Variants in KIAA0319 observed in about 807,000 individuals in gnomAD.
KIAA0319 encodes dyslexia-associated protein KIAA0319.
Under a neutral mutation model 108.4 loss-of-function variants are expected in KIAA0319, and 83 were observed. The ratio of observed to expected loss-of-function variants is 0.77; its 90% CI spans 0.64 to 0.92. The LOEUF (loss-of-function observed/expected upper bound fraction) is 0.92, where lower values mean the gene tolerates loss of function less well. Among genes scored for constraint, KIAA0319 ranks in the 40% least tolerant of loss-of-function variants. KIAA0319 has a pLI of 0.00. For missense variants in KIAA0319, 1,195 were observed against 1,322.4 expected, an observed-to-expected ratio of 0.90 and a Z score of 1.49; for synonymous variants, 484 against 510.4, an observed-to-expected ratio of 0.95 and a Z score of 0.70.
intron 16 of KIAA0319, among the ~76,000 whole-genome samples, chr6:24,562,389 G>C (rs1763228507): frequency 2.0e-5 from 3 of 152,096 alleles, no homozygotes; most frequent in Non-Finnish European, 4.4e-5. Flanking sequence ...GTTTAAATTT[G>C]GTGTTTTTCT....
chr6:24,596,465 G>A lies in KIAA0319; in HGVS notation c.209C>T (p.Ala70Val). The change falls in exon 3 of 21, where the codon GCC becomes GTC. Residue 70 changes from alanine (A) to valine (V), a missense_variant. Coordinates refer to ENST00000378214, the MANE Select transcript of KIAA0319 (RefSeq NM_014809.4). ...GTAGCAGCGGCCCTCGAACCACCAG[G>A]CCAGGTCACAGCTGGACAGGTCACA... ...ACCDLSSCDL[A>V]WWFEGRCYLV... 1 of 1,614,192 alleles carries A rather than the reference G, an allele frequency of 6.2e-7. No individual in the cohort carries two copies. The highest frequency in any genetic ancestry group is 8.5e-7 in the Non-Finnish European group (1 of 1,180,040).
chr6:24,626,466 A>G (rs1774729857), intron 1 of KIAA0319, among the ~76,000 whole-genome samples: 1 of 152,174 alleles, frequency 6.6e-6, no homozygotes, highest in Non-Finnish European at 1.5e-5. Flanking sequence ...TGGCAGGTGA[A>G]GGTTGCAGTG....
Position 24,544,911 on chromosome 6 carries a change from T to G in KIAA0319, c.*2254A>C, listed in dbSNP as rs1361152551. 1 of 152,154 alleles carries G rather than the reference T, an allele frequency of 6.6e-6. No homozygotes were observed. The highest frequency in any genetic ancestry group is 2.4e-5 in the African/African-American group (1 of 41,406). 9.4% of individuals were successfully genotyped at this position (152,154 alleles called of 1,614,324 possible). On this transcript the variant is annotated 3_prime_UTR_variant, in exon 21 of 21. Transcript: ENST00000378214. ...CCAGAGATTCAAGATCCTTCTGTGATGGAAGGATCAGAGAGGCCAGGCTGA... is the reference window on the plus strand; with the variant it reads ...CCAGAGATTCAAGATCCTTCTGTGAGGGAAGGATCAGAGAGGCCAGGCTGA...
chr6:24,578,792 G>C (rs1765919813), intron 8 of KIAA0319, among the ~76,000 whole-genome samples: 1 of 152,184 alleles, frequency 6.6e-6, no homozygotes, highest in Admixed American at 6.5e-5. Context: ...CTGGAAAGGG[G>C]CTAGTTTCAT....
downstream of KIAA0319, among the ~76,000 whole-genome samples, chr6:24,541,602 G>A (rs908510131): frequency 7.9e-5 from 12 of 152,116 alleles, no homozygotes; most frequent in African/African-American, 2.2e-4. Context: ...GTTTGAGACC[G>A]GCCTGGCCAA....
intron 1 of KIAA0319, among the ~76,000 whole-genome samples, chr6:24,620,639 T>A: frequency 6.6e-6 from 1 of 152,138 alleles, no homozygotes; most frequent in Non-Finnish European, 1.5e-5. Context: ...TCTTCAATCT[T>A]TCCCTAAAGA....
At chr6:24,637,382 GT>G (rs1776336334) in intron 1 of KIAA0319, among the ~76,000 whole-genome samples, 1 of 152,196 alleles carries the variant, frequency 6.6e-6, no homozygotes, top group South Asian at 2.1e-4. Flanking sequence ...CTTTTCAAGA[GT>G]TTCAATGGTA....
At chr6:24,628,254 G>A (rs964114057) in intron 1 of KIAA0319, among the ~76,000 whole-genome samples, 1 of 152,172 alleles carries the variant, frequency 6.6e-6, no homozygotes, top group African/African-American at 2.4e-5. Context: ...GTCAGGTATT[G>A]TAATTTTCCC....
chr6:24,607,382 A>C (rs1343650076), intron 1 of KIAA0319, among the ~76,000 whole-genome samples: 5 of 152,030 alleles, frequency 3.3e-5, no homozygotes, highest in Non-Finnish European at 7.4e-5. Context: ...AAAGAAAAGA[A>C]AGAAAGCCAG....
chr6:24,634,523 T>C (rs1470650972), intron 1 of KIAA0319, among the ~76,000 whole-genome samples: 1 of 152,142 alleles, frequency 6.6e-6, no homozygotes, highest in Non-Finnish European at 1.5e-5. Context: ...TGGGAAATAG[T>C]CAAGAAGCAA....
rs1256109648 is a variant in KIAA0319 at position 24,646,005 on chromosome 6, G to A, written c.-375C>T. ...AGGAGCGAATCTGGACCAAGCCCAA[G>A]ACAGGCTGAAGCTACTGCTGCGCTC... On this transcript the variant is annotated 5_prime_UTR_variant, in exon 1 of 21. Coordinates refer to ENST00000378214, the MANE Select transcript of KIAA0319 (RefSeq NM_014809.4). 1 of 152,428 alleles carries A rather than the reference G, an allele frequency of 6.6e-6. No individual in the cohort carries two copies. The highest frequency in any genetic ancestry group is 1.5e-5 in the Non-Finnish European group (1 of 68,296). 9.4% of individuals were successfully genotyped at this position (152,428 alleles called of 1,614,324 possible).
rs1234757379 is a variant in KIAA0319, at chr6:24,545,183, A to G, written c.*1982T>C. On this transcript the variant is annotated 3_prime_UTR_variant, in exon 21 of 21. Coordinates refer to ENST00000378214, the MANE Select transcript of KIAA0319 (RefSeq NM_014809.4). ...AGTTCTTTGTTTAGTGGAAAGCAGA[A>G]CTCTACAGTTTAAAAAATTTGCATT... is the stretch of plus-strand genomic sequence containing the variant. The G allele has an allele frequency of 6.6e-6, 1 of 152,118 alleles. No homozygotes were observed. The highest frequency in any genetic ancestry group is 1.9e-4 in the East Asian group (1 of 5,194). 9.4% of individuals were successfully genotyped at this position (152,118 alleles called of 1,614,324 possible). A position where few individuals can be genotyped will look rare whatever the true frequency, so the allele number is the denominator to read the frequency against.
downstream of KIAA0319, among the ~76,000 whole-genome samples, chr6:24,543,186 C>CTACT (rs1554139190): frequency 6.6e-6 from 1 of 152,182 alleles, no homozygotes; most frequent in Non-Finnish European, 1.5e-5. Context: ...AAGGAAGGAA[C>CTACT]TACTACCTGT....
chr6:24,602,404 G>T (rs948756554), intron 1 of KIAA0319, among the ~76,000 whole-genome samples: 1 of 79,950 alleles, frequency 1.3e-5, no homozygotes, highest in African/African-American at 2.9e-5. Flanking sequence ...ATGCCAGGCC[G>T]GAAGTGGATG....
intron 11 of KIAA0319, among the ~76,000 whole-genome samples, chr6:24,570,714 G>A (rs1040765333): frequency 6.8e-6 from 1 of 147,102 alleles, no homozygotes; most frequent in African/African-American, 2.5e-5. Flanking sequence ...GAGAGGGAGG[G>A]AGGGGACAAA....
At chr6:24,642,049 G>A (rs1348029661) in intron 1 of KIAA0319, among the ~76,000 whole-genome samples, 2 of 132,786 alleles carry the variant, frequency 1.5e-5, no homozygotes, top group Non-Finnish European at 3.3e-5. Flanking sequence ...GAGAAAGGAA[G>A]GGGAGGGGAG....
At chr6:24,626,681 T>C (rs1241333602) in intron 1 of KIAA0319, among the ~76,000 whole-genome samples, 1 of 152,204 alleles carries the variant, frequency 6.6e-6, no homozygotes, top group African/African-American at 2.4e-5. Flanking sequence ...AGAAAATGTA[T>C]TGAACACCTA....
intron 2 of KIAA0319, among the ~76,000 whole-genome samples, chr6:24,597,124 A>C (rs2127525661): frequency 6.6e-6 from 1 of 152,278 alleles, no homozygotes; most frequent in East Asian, 1.9e-4. Flanking sequence ...TTTTTCATAT[A>C]GTTTCACTCC....
chr6:24,630,963 C>T (rs1775506872), intron 1 of KIAA0319, among the ~76,000 whole-genome samples: 1 of 152,160 alleles, frequency 6.6e-6, no homozygotes, highest in Non-Finnish European at 1.5e-5. Flanking sequence ...ATGGAAACAG[C>T]CCAAAGAGGG....
Sources: allele counts gnomAD v4.1 joint callset (sites outside exome capture counted in the v4.1 genomes callset), GRCh38; gene constraint gnomAD v4.1.1; transcripts MANE v1.5; gene names NCBI Gene and HGNC (gene_info 2026-07-23, HGNC 2026-07-21).